Variants in RAPGEF2 observed in about 807,000 individuals in gnomAD.
The protein encoded by RAPGEF2 is Rap guanine nucleotide exchange factor 2, also known as PDZ domain containing guanine nucleotide exchange factor (GEF) 1.
A neutral mutation model predicts 186.7 loss-of-function variants in RAPGEF2; 54 were observed. That is an observed-to-expected ratio of 0.29 (90% confidence interval 0.23 to 0.36). The LOEUF (loss-of-function observed/expected upper bound fraction) is 0.36, where lower values mean the gene tolerates loss of function less well. Among genes scored for constraint, RAPGEF2 ranks in the 10% least tolerant of loss-of-function variants. The pLI, the probability that RAPGEF2 is intolerant of heterozygous loss-of-function variation, is 1.00. For synonymous variants in RAPGEF2, 712 were observed against 705.9 expected (o/e 1.01, Z -0.14); for missense variants, 1,532 against 2,045.0 (o/e 0.75, Z 4.84).
At chr4:159,251,855 C>A (rs576189050) in intron 7 of RAPGEF2, among the ~76,000 whole-genome samples, 1 of 151,678 alleles carries the variant, frequency 6.6e-6, no homozygotes, top group Non-Finnish European at 1.5e-5. Context: ...AGTTTGCCGC[C>A]GCGATCTGCT....
At chr4:159,334,079 GAGT>G (rs1386384558) in intron 17 of RAPGEF2, among the ~76,000 whole-genome samples, 8 of 152,178 alleles carry the variant, frequency 5.3e-5, no homozygotes, top group Non-Finnish European at 1.0e-4. Context: ...GATAAGCAGT[GAGT>G]AGTATTTATA....
intron 7 of RAPGEF2, among the ~76,000 whole-genome samples, chr4:159,292,924 T>C (rs1030529403): frequency 3.9e-5 from 6 of 152,188 alleles, no homozygotes; most frequent in African/African-American, 9.6e-5. Flanking sequence ...TCTAATACTT[T>C]GTTGATTTTG....
At chr4:159,355,722 C>G (rs1334357420) in intron 28 of RAPGEF2, 131 bp from the exon 29 acceptor site, 1 of 875,398 alleles carries the variant, frequency 1.1e-6, no homozygotes, top group East Asian at 2.7e-5. Flanking sequence ...CACCGCACCT[C>G]TAACCGATAC....
chr4:159,180,732 TA>T (rs1248145037), intron 1 of RAPGEF2, among the ~76,000 whole-genome samples: 3 of 152,208 alleles, frequency 2.0e-5, no homozygotes, highest in African/African-American at 7.2e-5. Flanking sequence ...AAGTACCCCC[TA>T]AAAATCATGA....
At chr4:159,326,514 C>T (rs1765946823) in intron 11 of RAPGEF2, 1 of 152,154 alleles carries the variant, frequency 6.6e-6, no homozygotes, top group South Asian at 2.1e-4. Flanking sequence ...CATGTTAAGC[C>T]TAAGAACACA....
intron 7 of RAPGEF2, among the ~76,000 whole-genome samples, chr4:159,270,536 A>AT (rs1389424557): frequency 6.6e-6 from 1 of 152,128 alleles, no homozygotes; most frequent in Non-Finnish European, 1.5e-5. Context: ...AAACCATTAA[A>AT]TTTGGGGTGG....
intron 7 of RAPGEF2, among the ~76,000 whole-genome samples, chr4:159,292,083 G>A (rs540035390): frequency 6.3e-4 from 96 of 152,132 alleles, no homozygotes; most frequent in Non-Finnish European, 1.1e-3. Context: ...CATTACCACC[G>A]TTGCTGATAT....
chr4:159,304,168 T>C (rs1763005187), intron 7 of RAPGEF2, among the ~76,000 whole-genome samples, 174 bp from the exon 8 acceptor site: 2 of 152,188 alleles, frequency 1.3e-5, no homozygotes. Context: ...CTTTAAAAAT[T>C]ATTATATGTG....
chr4:159,309,615 G>T (rs1333775871), intron 8 of RAPGEF2, among the ~76,000 whole-genome samples: 1 of 152,200 alleles, frequency 6.6e-6, no homozygotes, highest in African/African-American at 2.4e-5. Context: ...GCAGATGGGG[G>T]CAGGTTGAAA....
At chr4:159,328,466 A>G (rs1320478493) in intron 11 of RAPGEF2, 2 of 152,216 alleles carry the variant, frequency 1.3e-5, no homozygotes, top group East Asian at 3.8e-4. Context: ...AAAATGCTGA[A>G]TAGAAAAACT....
intron 1 of RAPGEF2, among the ~76,000 whole-genome samples, chr4:159,161,901 A>C (rs1159437460): frequency 1.3e-5 from 2 of 152,220 alleles, no homozygotes; most frequent in African/African-American, 4.8e-5. Context: ...AAGACTTTTA[A>C]AAAGTGAGCT....
At chr4:159,281,721 C>T (rs1759748122) in intron 7 of RAPGEF2, among the ~76,000 whole-genome samples, 1 of 147,750 alleles carries the variant, frequency 6.8e-6, no homozygotes. Context: ...TTAATAGTTA[C>T]AGTAATAATT....
At chr4:159,139,308 G>C (rs1411269156) in intron 1 of RAPGEF2, among the ~76,000 whole-genome samples, 1 of 152,174 alleles carries the variant, frequency 6.6e-6, no homozygotes, top group East Asian at 1.9e-4. Context: ...TGGTATGCAC[G>C]AGTCAAATGA....
chr4:159,266,881 G>A (rs1184696763), intron 7 of RAPGEF2: 1 of 178,622 alleles, frequency 5.6e-6, no homozygotes, highest in East Asian at 1.3e-4. Flanking sequence ...TGTCTTCAGT[G>A]ATATTATTTG....
intron 4 of RAPGEF2, among the ~76,000 whole-genome samples, chr4:159,235,375 G>A (rs1356526759): frequency 6.6e-6 from 1 of 152,162 alleles, no homozygotes; most frequent in Non-Finnish European, 1.5e-5. Flanking sequence ...AGAACCTGTT[G>A]TTGAGTATAA....
chr4:159,152,975 GT>G (rs756566883), intron 1 of RAPGEF2, among the ~76,000 whole-genome samples: 67 of 152,284 alleles, frequency 4.4e-4, no homozygotes, highest in Admixed American at 1.8e-3. Context: ...TTAGCTAATG[GT>G]TTTAGGTGTT....
At chr4:159,245,399 A>G (rs1012229775) in intron 7 of RAPGEF2, among the ~76,000 whole-genome samples, 4 of 152,052 alleles carry the variant, frequency 2.6e-5, no homozygotes, top group African/African-American at 7.2e-5. Flanking sequence ...AAGATTTAGC[A>G]TGAATTTTCA....
At chr4:159,259,092 G>C (rs1390856385) in intron 7 of RAPGEF2, among the ~76,000 whole-genome samples, 1 of 152,190 alleles carries the variant, frequency 6.6e-6, no homozygotes, top group Non-Finnish European at 1.5e-5. Context: ...ACTGGCCAAA[G>C]AGGTTAAGTA....
chr4:159,103,648 A>AC lies in RAPGEF2; in HGVS notation c.-511dup, dbSNP rs1354753560. On this transcript the variant is annotated 5_prime_UTR_variant, in exon 1 of 30. Transcript: ENST00000691494. ...CGGAAGATCCAAGTGATTCTCGGAG[A>AC]CCCCTGGGCGGCGGCTGCGCAAGCC... The AC allele has an allele frequency of 6.6e-6, 1 of 151,980 alleles. No individual in the cohort carries two copies. The highest frequency in any genetic ancestry group is 6.6e-5 in the Admixed American group (1 of 15,258). 9.4% of individuals were successfully genotyped at this position (151,980 alleles called of 1,614,324 possible).
Sources: allele counts gnomAD v4.1 joint callset (sites outside exome capture counted in the v4.1 genomes callset), GRCh38; gene constraint gnomAD v4.1.1; transcripts MANE v1.5; gene names NCBI Gene and HGNC (gene_info 2026-07-23, HGNC 2026-07-21).